Variants in GLT8D1 observed in about 807,000 individuals in gnomAD.
GLT8D1 encodes the protein glycosyltransferase 8 domain containing 1.
GLT8D1 carries 41 observed loss-of-function variants against 46.2 expected under a neutral mutation model. The observed-to-expected ratio is 0.89, with a 90% CI of 0.69 to 1.15. The LOEUF is 1.15. Among genes scored for constraint, GLT8D1 ranks in the 50% most tolerant of loss-of-function variants. The pLI is 0.00. For synonymous variants in GLT8D1, 150 were observed against 154.2 expected (o/e 0.97, Z 0.20); for missense variants, 408 against 449.3 (o/e 0.91, Z 0.83).
intron 3 of GLT8D1, among the ~76,000 whole-genome samples, chr3:52,698,863 TA>T (rs1351305021): frequency 1.3e-5 from 2 of 151,960 alleles, no homozygotes; most frequent in Non-Finnish European, 2.9e-5. Context: ...CAGCCATGAA[TA>T]AAACATCCCT....
At chr3:52,698,388 A>T (rs979340750) in intron 3 of GLT8D1, among the ~76,000 whole-genome samples, 3 of 152,194 alleles carry the variant, frequency 2.0e-5, no homozygotes, top group African/African-American at 7.2e-5. Flanking sequence ...TGCAATAGAA[A>T]ACTGAAATAG....
chr3:52,697,683 T>C, intron 4 of GLT8D1, 38 bp downstream of exon 4: 1 of 1,405,982 alleles, frequency 7.1e-7, no homozygotes, highest in Non-Finnish European at 1.0e-6. Flanking sequence ...CTGCTCTAAA[T>C]CATCCTCTAG....
At chr3:52,698,498 A>G (rs2097336282) in intron 3 of GLT8D1, among the ~76,000 whole-genome samples, 1 of 152,150 alleles carries the variant, frequency 6.6e-6, no homozygotes, top group Non-Finnish European at 1.5e-5. Context: ...CCTGACCAAC[A>G]TGGTGAAACC....
Position 52,694,664 on chromosome 3 carries a change from G to A in GLT8D1, c.*181C>T. The A allele has an allele frequency of 1.5e-6, 1 of 650,210 alleles. No homozygotes were observed. The highest frequency in any genetic ancestry group is 2.8e-6 in the Non-Finnish European group (1 of 359,186). The allele number at this position is 650,210 out of a possible 1,614,324, so 40.3% of individuals were successfully genotyped here. ...TAAGGCAGATGGAGACATATTTATA[G>A]TCTATAGTCTGTCTGGGAAGCTGAC... On this transcript the variant is annotated 3_prime_UTR_variant, in exon 10 of 10. Coordinates refer to ENST00000266014, the MANE Select transcript of GLT8D1 (RefSeq NM_018446.4).
At chr3:52,698,232 G>T (rs2097335924) in intron 3 of GLT8D1, among the ~76,000 whole-genome samples, 2 of 152,174 alleles carry the variant, frequency 1.3e-5, no homozygotes, top group African/African-American at 4.8e-5. Flanking sequence ...GACAAAATCT[G>T]AAATATAATC....
Position 52,700,516 on chromosome 3 carries a change from C to T in GLT8D1, c.-36-20G>A. ...TTAACCCTACAAAACAAAAACAAGC[C>T]CCCAAAGTCAGTAAGCACATGAGAA... On this transcript the variant is annotated intron_variant, in intron 1 of 9. Transcript: ENST00000266014. 1 of 1,272,526 alleles carries T rather than the reference C, an allele frequency of 7.9e-7. No individual in the cohort carries two copies. The highest frequency in any genetic ancestry group is 1.1e-6 in the Non-Finnish European group (1 of 889,594). The allele number at this position is 1,272,526 out of a possible 1,614,324, so 78.8% of individuals were successfully genotyped here.
intron 7 of GLT8D1, 89 bp downstream of exon 7, chr3:52,695,839 G>A: frequency 3.9e-6 from 3 of 769,670 alleles, no homozygotes; most frequent in South Asian, 3.3e-5. Context: ...ATTGGGGAGT[G>A]TAAATTGCAG....
rs367994876 is a variant in GLT8D1 at position 52,695,276 on chromosome 3, G to A, written c.839C>T (p.Ala280Val). 7 of 1,613,296 alleles carry A rather than the reference G, an allele frequency of 4.3e-6. No individual in the cohort carries two copies. The African/African-American group carries it at 8.0e-5, about 18-fold the overall frequency. The part of the protein sequence containing the change: ...VEEGLYSRTL[A>V]GSITTPPLLI... ...CAGAGGAGGTGTTGTGATGCTACCA[G>A]CCAGGGTTCTGCTATACAGTCCCTC... Residue 280 changes from alanine to valine, a missense_variant, in exon 9 of 10, where the codon GCT (alanine) becomes GTT (valine). By Grantham distance (64) the Ala-to-Val change is moderately conservative. Transcript: ENST00000266014.
intron 1 of GLT8D1, among the ~76,000 whole-genome samples, chr3:52,704,148 C>T (rs2097341655): frequency 6.6e-6 from 1 of 151,806 alleles, no homozygotes; most frequent in Non-Finnish European, 1.5e-5. Context: ...GGATACAAAA[C>T]TGTGGATACA....
chr3:52,702,040 T>C (rs959812708), intron 1 of GLT8D1, among the ~76,000 whole-genome samples: 6 of 152,196 alleles, frequency 3.9e-5, no homozygotes, highest in Non-Finnish European at 5.9e-5. Flanking sequence ...GTTAGTTCAT[T>C]TGTTTTTTTA....
At position 52,696,592 on chromosome 3, in the gene GLT8D1, A is replaced by G. The variant is rs547679854; in HGVS notation, c.397T>C (p.Leu133=). 11 of 1,611,688 alleles carry G rather than the reference A, an allele frequency of 6.8e-6. No homozygotes were observed. In the South Asian group the frequency reaches 1.2e-4, roughly 18 times the overall value. ...YKIVNFDPKL[L]EGKVKEDPDQ... ...GGATCCTCCTTTACTTTTCCTTCCA[A>G]AAGTTTAGGGTCAAAATTGACAATT... The change falls in exon 5 of 10, where the codon TTG becomes CTG. Residue 133 remains leucine, a synonymous_variant. Coordinates refer to ENST00000266014, the MANE Select transcript of GLT8D1 (RefSeq NM_018446.4).
rs1243831116 is a variant in GLT8D1 at position 52,705,452 on chromosome 3, G to A, written c.-42C>T. 6.6e-6 allele frequency: 1 copy of A among 152,662 alleles called. No homozygotes were observed. Among genetic ancestry groups the A allele is most frequent in the Non-Finnish European group, 1.5e-5 (1 of 68,346 alleles). 9.5% of individuals were successfully genotyped at this position (152,662 alleles called of 1,614,324 possible). ...GTCAGTAGGGCCCCCCTTACACTTT[G>A]AAGTGATCGGAAAGTGATGTGACGC... On this transcript the variant is annotated 5_prime_UTR_variant, in exon 1 of 10. Coordinates refer to ENST00000266014, the MANE Select transcript of GLT8D1 (RefSeq NM_018446.4).
intron 8 of GLT8D1, 37 bp downstream of exon 8, chr3:52,695,384 C>T: frequency 1.9e-6 from 3 of 1,597,628 alleles, no homozygotes; most frequent in South Asian, 2.2e-5. Flanking sequence ...AATTGAAATA[C>T]AACAGTTTTT....
At chr3:52,698,713 C>A (rs1033252397) in intron 3 of GLT8D1, among the ~76,000 whole-genome samples, 2 of 150,504 alleles carry the variant, frequency 1.3e-5, no homozygotes, top group African/African-American at 2.4e-5. Flanking sequence ...AATTAGAATA[C>A]CAAAGAAAAC....
rs1014483089 is a variant in GLT8D1, at chr3:52,705,769, G to A, written c.-359C>T. ...CCAGCCCGCAGCGGTAACCGCTAGAGCGTCGCGCCAAGCAGGCGCCGCGGG... is the reference window on the plus strand; with the variant it reads ...CCAGCCCGCAGCGGTAACCGCTAGAACGTCGCGCCAAGCAGGCGCCGCGGG... On this transcript the variant is annotated 5_prime_UTR_variant, in exon 1 of 10. Transcript: ENST00000266014. The A allele has an allele frequency of 1.6e-5, 18 of 1,153,184 alleles. No homozygotes were observed. The highest frequency in any genetic ancestry group is 3.2e-4 in the Middle Eastern group (1 of 3,086). 71.4% of individuals were successfully genotyped at this position (1,153,184 alleles called of 1,614,324 possible). A position where few individuals can be genotyped will look rare whatever the true frequency, so the allele number is the denominator to read the frequency against.
At chr3:52,698,419 C>G (rs530968839) in intron 3 of GLT8D1, among the ~76,000 whole-genome samples, 15 of 152,176 alleles carry the variant, frequency 9.9e-5, no homozygotes, top group African/African-American at 3.4e-4. Flanking sequence ...TGGTAGGTCA[C>G]GCCTGTAATC....
intron 3 of GLT8D1, among the ~76,000 whole-genome samples, chr3:52,698,944 C>T (rs1334366845): frequency 6.6e-6 from 1 of 151,992 alleles, no homozygotes; most frequent in Non-Finnish European, 1.5e-5. Flanking sequence ...TAATGTATTT[C>T]CTATTGTAGG....
intron 4 of GLT8D1, among the ~76,000 whole-genome samples, chr3:52,696,961 T>G (rs552365157): frequency 2.1e-5 from 1 of 47,170 alleles, no homozygotes; most frequent in Non-Finnish European, 4.3e-5. Flanking sequence ...ACCACTCAAG[T>G]CTGAGGCACT....
chr3:52,695,898 AG>A, intron 7 of GLT8D1, 29 bp downstream of exon 7: 2 of 1,228,844 alleles, frequency 1.6e-6, no homozygotes, highest in Non-Finnish European at 2.4e-6. Flanking sequence ...ACAATATTGT[AG>A]GAAGAGGGGT....
Sources: gnomAD v4.1 joint callset for allele counts (sites outside exome capture counted in the v4.1 genomes callset) on GRCh38, gnomAD v4.1.1 for gene constraint, MANE v1.5 for transcripts, NCBI Gene and HGNC (gene_info 2026-07-23, HGNC 2026-07-21) for gene names.